Variants in CHD9 observed in about 807,000 individuals in gnomAD.
CHD9 encodes chromodomain helicase DNA binding protein 9.
Under a neutral mutation model 316.1 loss-of-function variants are expected in CHD9, and 77 were observed. That is an observed-to-expected ratio of 0.24 (90% CI 0.20 to 0.29). The LOEUF (loss-of-function observed/expected upper bound fraction) is 0.29. Among genes scored for constraint, CHD9 ranks in the 10% least tolerant of loss-of-function variants. The pLI is 1.00. For synonymous variants in CHD9, 1,129 were observed against 1,158.3 expected, an observed-to-expected ratio of 0.97 and a Z score of 0.51; for missense variants, 2,763 against 3,438.1, an observed-to-expected ratio of 0.80 and a Z score of 4.91.
intron 34 of CHD9, among the ~76,000 whole-genome samples, 193 bp from the exon 35 acceptor site, chr16:53,314,184 T>C (rs2056703828): frequency 6.6e-6 from 1 of 152,006 alleles, no homozygotes. Context: ...AGGTCAAAAA[T>C]TGAAAGAGGC....
chr16:53,145,295 G>T (rs942164983), intron 1 of CHD9, among the ~76,000 whole-genome samples: 2 of 151,902 alleles, frequency 1.3e-5, no homozygotes, highest in African/African-American at 4.8e-5. Context: ...GGGATTACAG[G>T]CATGCACCAC....
chr16:53,069,067 C>G (rs531647254), intron 1 of CHD9, among the ~76,000 whole-genome samples: 1 of 151,968 alleles, frequency 6.6e-6, no homozygotes, highest in Non-Finnish European at 1.5e-5. Flanking sequence ...TGCAGTGGTG[C>G]CATCTTGGCT....
At chr16:53,141,268 A>G (rs930628294) in intron 1 of CHD9, among the ~76,000 whole-genome samples, 1 of 152,232 alleles carries the variant, frequency 6.6e-6, no homozygotes, top group East Asian at 1.9e-4. Context: ...CTAGGATTAC[A>G]TAGCTGGTAA....
At chr16:53,292,174 A>G (rs1430380212) in intron 28 of CHD9, among the ~76,000 whole-genome samples, 1 of 152,242 alleles carries the variant, frequency 6.6e-6, no homozygotes, top group Non-Finnish European at 1.5e-5. Context: ...ATATCAAGAT[A>G]GAAATGCACT....
In CHD9 at chr16:53,304,006, C is replaced by T; in HGVS notation, c.6000C>T (p.Asn2000=). ...PELSFMAAQR[N]YSQSKMAHSR... is the part of the protein sequence containing the mutation. The stretch of plus-strand genomic sequence containing the variant: ...TCTCATTTATGGCAGCTCAGAGGAA[C>T]TACAGTCAAAGTAAGATGGCTCATT... Residue 2000 remains asparagine, a synonymous_variant, in exon 31 of 39, where the codon AAC becomes AAT. Transcript: ENST00000447540. 6.2e-7 allele frequency: 1 copy of T among 1,614,022 alleles called. No individual in the cohort carries two copies. Among genetic ancestry groups the T allele is most frequent in the Non-Finnish European group, 8.5e-7 (1 of 1,179,892 alleles).
In CHD9 at chr16:53,079,142, C is replaced by T. The variant is rs115895740; in HGVS notation, c.-165+24065C>T. 4.0e-3 allele frequency among the ~76,000 whole-genome samples: 608 copies of T among 152,296 alleles called. 1 individual carries two copies. The highest frequency in any genetic ancestry group is 0.014 in the African/African-American group (582 of 41,578). ...TGGAGTATGAAGGGACCTGGGAAAGCTTTTCCTTCTCGTACCCCTCAAAAG... is the reference window on the plus strand; with the variant it reads ...TGGAGTATGAAGGGACCTGGGAAAGTTTTTCCTTCTCGTACCCCTCAAAAG... On this transcript the variant is annotated intron_variant, in intron 1 of 38. Transcript: ENST00000447540.
At chr16:53,164,374 G>A (rs760892355) in intron 2 of CHD9, among the ~76,000 whole-genome samples, 3 of 152,120 alleles carry the variant, frequency 2.0e-5, no homozygotes, top group Non-Finnish European at 4.4e-5. Flanking sequence ...AGGAATTCAA[G>A]ACCAGCCTGA....
rs78715120 is a variant in CHD9, at chr16:53,323,023, C to T, written c.7819-997C>T. ...AAAATTAAACAATAGTCGAATGAGT[C>T]TTGTCTTAAACCACTATCTAGAACT... On this transcript the variant is annotated intron_variant, in intron 38 of 38. Transcript: ENST00000447540. 4.1e-3 allele frequency among the ~76,000 whole-genome samples: 623 copies of T among 152,186 alleles called. 14 individuals are homozygous for T. Among genetic ancestry groups the T allele is most frequent in the East Asian group, 0.027 (137 of 5,162 alleles).
intron 22 of CHD9, among the ~76,000 whole-genome samples, chr16:53,272,398 C>G (rs539537158): frequency 1.3e-5 from 2 of 151,126 alleles, no homozygotes; most frequent in Admixed American, 6.6e-5. Context: ...ATGGACAAAC[C>G]CATACAGTGC....
intron 1 of CHD9, among the ~76,000 whole-genome samples, chr16:53,086,731 T>C (rs1445216983): frequency 6.6e-6 from 1 of 152,194 alleles, no homozygotes; most frequent in Non-Finnish European, 1.5e-5. Context: ...AAATTTCAAA[T>C]AAATGCTCAG....
At chr16:53,066,761 C>A (rs191133361) in intron 1 of CHD9, among the ~76,000 whole-genome samples, 1 of 152,298 alleles carries the variant, frequency 6.6e-6, no homozygotes, top group Admixed American at 6.5e-5. Flanking sequence ...GAGAGGCTGT[C>A]ATCATTCACA....
At chr16:53,316,335 C>A (rs762194982) in intron 36 of CHD9, among the ~76,000 whole-genome samples, 3 of 152,148 alleles carry the variant, frequency 2.0e-5, no homozygotes, top group Admixed American at 6.5e-5. Context: ...CTATGTACTA[C>A]TTATTATTTT....
Position 53,209,735 on chromosome 16 carries a change from G to T in CHD9, c.1706G>T (p.Arg569Met). 6.2e-7 allele frequency: 1 copy of T among 1,613,398 alleles called. No individual in the cohort carries two copies. The highest frequency in any genetic ancestry group is 8.5e-7 in the Non-Finnish European group (1 of 1,179,574). Reference sequence around the variant, plus strand: ...GGAAAAGAGGAAAAGAAAGGTAGAAGGATGAAATCCAAGCCAAAGGACAAA... The same window carrying T: ...GGAAAAGAGGAAAAGAAAGGTAGAATGATGAAATCCAAGCCAAAGGACAAA... Reference protein sequence around the residue: ...VEGKEEKKGRRMKSKPKDKDS... With the variant: ...VEGKEEKKGRMMKSKPKDKDS... The change falls in exon 3 of 39, where the codon AGG (arginine) becomes ATG (methionine). Residue 569 changes from arginine (R) to methionine (M), a missense_variant. Physicochemically the swap from Arg to Met is moderately conservative, Grantham distance 91. This residue lies in a region of CHD9 where 859 missense variants were observed against 890.4 expected (regional missense o/e 0.96). Transcript: ENST00000447540.
intron 2 of CHD9, among the ~76,000 whole-genome samples, chr16:53,167,939 A>AT (rs1338401703): frequency 2.6e-5 from 4 of 152,076 alleles, no homozygotes; most frequent in South Asian, 2.1e-4. Context: ...ATTTCCTAGG[A>AT]TTTTTCCCCC....
intron 2 of CHD9, among the ~76,000 whole-genome samples, chr16:53,164,631 TG>T (rs1364891079): frequency 7.3e-6 from 1 of 136,538 alleles, no homozygotes; most frequent in African/African-American, 2.6e-5. Flanking sequence ...TTCTGTTTTT[TG>T]TTTTTTTTTT....
At chr16:53,167,489 C>A (rs192467667) in intron 2 of CHD9, among the ~76,000 whole-genome samples, 173 of 152,166 alleles carry the variant, frequency 1.1e-3, no homozygotes, top group African/African-American at 4.0e-3. Context: ...TGATTCATTT[C>A]CAGTTGACAG....
intron 2 of CHD9, among the ~76,000 whole-genome samples, chr16:53,183,428 G>A (rs2043700464): frequency 6.6e-6 from 1 of 152,122 alleles, no homozygotes; most frequent in Non-Finnish European, 1.5e-5. Context: ...GAAGGAACAG[G>A]GAGGATGGTT....
chr16:53,189,349 A>G (rs975228784), intron 2 of CHD9, among the ~76,000 whole-genome samples: 2 of 151,674 alleles, frequency 1.3e-5, no homozygotes, highest in African/African-American at 4.8e-5. Flanking sequence ...TTTTATTCCT[A>G]GTTTGTTTTG....
At position 53,324,297 on chromosome 16, in the gene CHD9, C is replaced by G. The variant is rs1380718202; in HGVS notation, c.8096C>G (p.Pro2699Arg). Residue 2699 changes from proline (P) to arginine (R), a missense_variant, in exon 39 of 39, where the codon CCT (proline) becomes CGT (arginine). Around this residue, in one of 15 missense-constraint regions of CHD9, gnomAD observed 298 missense variants for 380.2 expected, o/e 0.78. Transcript: ENST00000447540. ...TTGATGGGAATGCCTACCGGCCTTCCTTCTGGAGGAGAAGCTAAAAACATG... is the reference window on the plus strand; with the variant it reads ...TTGATGGGAATGCCTACCGGCCTTCGTTCTGGAGGAGAAGCTAAAAACATG... ...AGLMGMPTGL[P>R]SGGEAKNMAA... 1 of 1,613,850 alleles carries G rather than the reference C, an allele frequency of 6.2e-7. No individual in the cohort carries two copies. Among genetic ancestry groups the G allele is most frequent in the Non-Finnish European group, 8.5e-7 (1 of 1,179,872 alleles).
Sources: allele counts gnomAD v4.1 joint callset (sites outside exome capture counted in the v4.1 genomes callset), GRCh38; gene constraint gnomAD v4.1.1; regional missense constraint gnomAD v4.1.1; transcripts MANE v1.5; gene names NCBI Gene and HGNC (gene_info 2026-07-23, HGNC 2026-07-21).